The following EYS variants were observed in gnomAD, a reference collection of about 807,000 sequenced individuals.
EYS encodes the protein EGF-like photoreceptor maintenance factor, also known as protein eyes shut homolog.
In EYS, 250 loss-of-function variants were observed where a neutral mutation model predicts 282.1. That is an observed-to-expected ratio of 0.89 (90% confidence interval 0.80 to 0.98). The LOEUF (loss-of-function observed/expected upper bound fraction) is 0.98, where lower values mean the gene tolerates loss of function less well. EYS is among the 50% of genes least tolerant of loss of function. The probability of loss-of-function intolerance (pLI) is 0.00; values close to 1 mark genes in which losing one functional copy is unlikely to be tolerated. For missense variants in EYS, 4,016 were observed against 3,709.0 expected, an observed-to-expected ratio of 1.08 and a Z score of -2.15; for synonymous variants, 1,355 against 1,282.9, an observed-to-expected ratio of 1.06 and a Z score of -1.20.
At chr6:63,958,939 G>T (rs763906712) in intron 35 of EYS, among the ~76,000 whole-genome samples, 7 of 152,182 alleles carry the variant, frequency 4.6e-5, no homozygotes, top group Non-Finnish European at 5.9e-5. Flanking sequence ...TCTGATAGAT[G>T]AATACAAGGA....
intron 22 of EYS, among the ~76,000 whole-genome samples, chr6:64,657,654 C>A (rs1193853214): frequency 2.0e-5 from 3 of 152,110 alleles, no homozygotes; most frequent in African/African-American, 7.2e-5. Context: ...GTTGAAAATT[C>A]TTTTCTTTAA....
At chr6:65,629,063 T>C (rs1423872432) in intron 2 of EYS, among the ~76,000 whole-genome samples, 1 of 152,194 alleles carries the variant, frequency 6.6e-6, no homozygotes, top group Non-Finnish European at 1.5e-5. Flanking sequence ...GTCAAGTGTA[T>C]GACTATCACA....
intron 22 of EYS, among the ~76,000 whole-genome samples, chr6:64,735,665 A>G (rs1772163119): frequency 6.6e-6 from 1 of 152,184 alleles, no homozygotes; most frequent in South Asian, 2.1e-4. Flanking sequence ...TTGAAACCTT[A>G]ATGGTATTAG....
intron 2 of EYS, among the ~76,000 whole-genome samples, chr6:65,579,941 C>T (rs944281809): frequency 2.0e-5 from 3 of 152,024 alleles, no homozygotes; most frequent in Admixed American, 6.6e-5. Flanking sequence ...GTGAAATTTA[C>T]TCAGAAAGGT....
At chr6:64,191,351 CTTTAAG>C (rs1765097208) in intron 31 of EYS, among the ~76,000 whole-genome samples, 1 of 151,764 alleles carries the variant, frequency 6.6e-6, no homozygotes, top group East Asian at 1.9e-4. Context: ...TATTATTATA[CTTTAAG>C]TTTTAGGGTA....
chr6:64,424,583 G>T (rs1163797780), intron 28 of EYS, among the ~76,000 whole-genome samples: 1 of 152,182 alleles, frequency 6.6e-6, no homozygotes, highest in East Asian at 1.9e-4. Flanking sequence ...GACAACAGAT[G>T]TGGCTCACTC....
intron 12 of EYS, among the ~76,000 whole-genome samples, chr6:65,077,701 T>C (rs1267528999): frequency 6.6e-6 from 1 of 152,078 alleles, no homozygotes; most frequent in Non-Finnish European, 1.5e-5. Context: ...TCTAGATTAA[T>C]GTCAGATAGA....
intron 22 of EYS, among the ~76,000 whole-genome samples, chr6:64,681,882 C>T (rs144322564): frequency 6.6e-6 from 1 of 152,300 alleles, no homozygotes; most frequent in East Asian, 1.9e-4. Context: ...TGTTACACCA[C>T]ATGTCTTACA....
At chr6:63,855,842 C>T (rs1772376441) in intron 36 of EYS, among the ~76,000 whole-genome samples, 1 of 152,080 alleles carries the variant, frequency 6.6e-6, no homozygotes, top group South Asian at 2.1e-4. Context: ...CTTACTTTAT[C>T]CTAAGGAAAA....
chr6:64,092,576 T>A (rs112533917), intron 31 of EYS, among the ~76,000 whole-genome samples: 5,062 of 152,338 alleles, frequency 0.033, 292 homozygotes, highest in African/African-American at 0.11. Context: ...GTTCATATCC[T>A]TTGCCCACTT....
At chr6:64,029,636 C>T (rs1769721758) in intron 33 of EYS, among the ~76,000 whole-genome samples, 1 of 152,166 alleles carries the variant, frequency 6.6e-6, no homozygotes, top group Non-Finnish European at 1.5e-5. Flanking sequence ...TCTTAGAAGT[C>T]CCCTTAACTA....
Position 64,388,072 on chromosome 6 carries a change from C to T in EYS, c.6078+618G>A, listed in dbSNP as rs537758238. 7.9e-5 allele frequency among the ~76,000 whole-genome samples: 12 copies of T among 152,132 alleles called. No homozygotes were observed. In the East Asian group the frequency reaches 2.3e-3, roughly 29 times the overall value. On this transcript the variant is annotated intron_variant, in intron 29 of 42. Transcript: ENST00000503581. ...ATAAATGTAATAAGCTACTGGTATA[C>T]TTAACAACCTTCAATTTTTAAAGCA...
intron 2 of EYS, among the ~76,000 whole-genome samples, chr6:65,539,534 T>C (rs989018814): frequency 2.6e-5 from 4 of 152,104 alleles, no homozygotes; most frequent in Non-Finnish European, 5.9e-5. Flanking sequence ...CATTTGCAAA[T>C]CATGACATTA....
chr6:63,987,029 G>C (rs1054315627), intron 34 of EYS, among the ~76,000 whole-genome samples: 2 of 151,688 alleles, frequency 1.3e-5, no homozygotes, highest in Non-Finnish European at 3.0e-5. Flanking sequence ...AAATTAGGCT[G>C]TTGATCTACC....
intron 5 of EYS, among the ~76,000 whole-genome samples, chr6:65,455,874 G>T (rs1764585700): frequency 1.3e-5 from 2 of 151,482 alleles, no homozygotes; most frequent in Non-Finnish European, 2.9e-5. Context: ...TAATTGAACA[G>T]AATGAAATAC....
At chr6:64,357,209 G>T (rs1452162355) in intron 29 of EYS, among the ~76,000 whole-genome samples, 4 of 151,538 alleles carry the variant, frequency 2.6e-5, no homozygotes, top group Non-Finnish European at 5.9e-5. Context: ...TCAGACTCTG[G>T]TCATTTGTTT....
chr6:64,693,025 T>G (rs1424155093), intron 22 of EYS, among the ~76,000 whole-genome samples: 1 of 148,032 alleles, frequency 6.8e-6, no homozygotes, highest in Non-Finnish European at 1.5e-5. Flanking sequence ...TTAGAATTTT[T>G]TTTTTCTAAT....
chr6:64,372,279 T>C (rs1375025132), intron 29 of EYS, among the ~76,000 whole-genome samples: 2 of 152,064 alleles, frequency 1.3e-5, no homozygotes, highest in African/African-American at 4.8e-5. Context: ...AAGGGTCTTA[T>C]TTCTCCTTTG....
At chr6:64,797,781 T>C (rs1476497022) in intron 22 of EYS, among the ~76,000 whole-genome samples, 2 of 151,986 alleles carry the variant, frequency 1.3e-5, no homozygotes, top group Non-Finnish European at 2.9e-5. Flanking sequence ...TAAAAGTGCT[T>C]GAATCTCCTA....
Sources: allele counts gnomAD v4.1 joint callset (sites outside exome capture counted in the v4.1 genomes callset), GRCh38; gene constraint gnomAD v4.1.1; transcripts MANE v1.5; gene names NCBI Gene and HGNC (gene_info 2026-07-23, HGNC 2026-07-21).